Variants in PIEZO2 observed in about 807,000 individuals in gnomAD.
PIEZO2 encodes the protein piezo type mechanosensitive ion channel component 2.
In PIEZO2, 172 loss-of-function variants were observed where a neutral mutation model predicts 337.3. The observed-to-expected ratio is 0.51, with a 90% CI of 0.45 to 0.58. The LOEUF (loss-of-function observed/expected upper bound fraction) is 0.58. Ranked by LOEUF, PIEZO2 falls within the 20% of genes least tolerant of loss-of-function variation. The pLI is 0.00. For missense variants in PIEZO2, 3,028 were observed against 3,391.3 expected, an observed-to-expected ratio of 0.89 and a Z score of 2.66; for synonymous variants, 1,251 against 1,228.5, an observed-to-expected ratio of 1.02 and a Z score of -0.38.
chr18:11,141,154 CAG>C lies in PIEZO2; in HGVS notation c.64+7369_64+7370del, dbSNP rs1465636412. Among the ~76,000 whole-genome samples the C allele has an allele frequency of 2.0e-5, 3 of 152,292 alleles. No homozygotes were observed. In the East Asian group the frequency reaches 5.8e-4, roughly 29 times the overall value. On this transcript the variant is annotated intron_variant, in intron 1 of 55. Coordinates refer to ENST00000674853, the MANE Select transcript of PIEZO2 (RefSeq NM_001378183.1). ...TATGCTGAGAAACCTACATGGAAAA[CAG>C]AACTCAAGAAGAACAGAATTGTCTT...
chr18:10,752,253 A>G (rs1414938687), intron 28 of PIEZO2, among the ~76,000 whole-genome samples: 1 of 152,238 alleles, frequency 6.6e-6, no homozygotes, highest in Non-Finnish European at 1.5e-5. Flanking sequence ...GCTTTTTGCC[A>G]ACATAATACA....
At position 10,707,032 on chromosome 18, in the gene PIEZO2, T is replaced by C. The variant is rs903711144; in HGVS notation, c.5588+1243A>G. 6.6e-6 allele frequency among the ~76,000 whole-genome samples: 1 copy of C among 152,220 alleles called. No homozygotes were observed. The highest frequency in any genetic ancestry group is 1.5e-5 in the Non-Finnish European group (1 of 68,042). ...CTGTGACTGAAGAACCAGATTGGCC[T>C]GAGCTTTTGATGCCCGCTCAGGTGT... On this transcript the variant is annotated intron_variant, in intron 40 of 55. Coordinates refer to ENST00000674853, the MANE Select transcript of PIEZO2 (RefSeq NM_001378183.1). The surrounding 1 kb of genome is among the most constrained non-coding windows in gnomAD (Gnocchi z 4.2).
At chr18:10,723,403 G>A (rs540797970) in intron 36 of PIEZO2, among the ~76,000 whole-genome samples, 8 of 152,158 alleles carry the variant, frequency 5.3e-5, no homozygotes, top group Non-Finnish European at 1.0e-4. Context: ...AAGAGAGAAC[G>A]GGAAAGAAGG....
intron 22 of PIEZO2, 129 bp downstream of exon 22, chr18:10,762,793 C>T (rs561776562): frequency 2.4e-5 from 32 of 1,332,236 alleles, no homozygotes; most frequent in Middle Eastern, 2.5e-4. Flanking sequence ...GCCCAGAGCA[C>T]GACCAGCCAG....
intron 7 of PIEZO2, among the ~76,000 whole-genome samples, chr18:10,845,200 G>GTA (rs143358954): frequency 0.34 from 50,595 of 149,062 alleles, 8,561 homozygotes; most frequent in Admixed American, 0.42. Flanking sequence ...GTGTGTGTGT[G>GTA]TATATATATA....
intron 39 of PIEZO2, 30 bp from the exon 40 acceptor site, chr18:10,708,469 G>C (rs2035678482): frequency 6.5e-6 from 1 of 152,674 alleles, no homozygotes; most frequent in African/African-American, 2.4e-5. Context: ...CAGAAACACA[G>C]TGTTAAAACA....
chr18:10,806,044 G>A (rs1197641935), intron 8 of PIEZO2, among the ~76,000 whole-genome samples: 1 of 152,242 alleles, frequency 6.6e-6, no homozygotes, highest in Non-Finnish European at 1.5e-5. Flanking sequence ...CTGGCCCCTA[G>A]GTTAGTTTCA....
At chr18:10,740,948 A>G (rs1215820180) in intron 33 of PIEZO2, 83 bp downstream of exon 33, 36 of 1,362,182 alleles carry the variant, frequency 2.6e-5, no homozygotes, top group East Asian at 1.0e-4. Context: ...CATGGAACAC[A>G]TGGGTCACGG....
chr18:10,879,232 T>G (rs1416953892), intron 4 of PIEZO2, among the ~76,000 whole-genome samples: 1 of 151,952 alleles, frequency 6.6e-6, no homozygotes, highest in Non-Finnish European at 1.5e-5. Context: ...AAGTCCCATT[T>G]TAATAAATCA....
At chr18:10,917,947 GA>G (rs1372036984) in intron 3 of PIEZO2, among the ~76,000 whole-genome samples, 1 of 152,146 alleles carries the variant, frequency 6.6e-6, no homozygotes, top group Non-Finnish European at 1.5e-5. Context: ...AAGGAGCCAA[GA>G]TTTTTTACCA....
chr18:11,119,912 C>G (rs1264610583), intron 1 of PIEZO2, among the ~76,000 whole-genome samples: 6 of 152,184 alleles, frequency 3.9e-5, no homozygotes, highest in Non-Finnish European at 8.8e-5. Flanking sequence ...AAATTACTAC[C>G]TAGTTGATAC....
intron 36 of PIEZO2, among the ~76,000 whole-genome samples, chr18:10,729,976 A>AT (rs1427934356): frequency 6.6e-6 from 1 of 152,148 alleles, no homozygotes; most frequent in African/African-American, 2.4e-5. Flanking sequence ...TTAGTAACAT[A>AT]ATGTATTTAA....
chr18:10,811,200 C>T (rs901321137), intron 7 of PIEZO2, among the ~76,000 whole-genome samples: 4 of 152,130 alleles, frequency 2.6e-5, no homozygotes, highest in African/African-American at 9.7e-5. Context: ...GGTCTAGTTC[C>T]AAAGTCACCA....
rs535924884 is a variant in PIEZO2 at position 11,033,997 on chromosome 18, TAAAA to T, written c.160+32126_160+32129del. Among the ~76,000 whole-genome samples the T allele has an allele frequency of 6.6e-6, 1 of 151,650 alleles. No individual in the cohort carries two copies. The highest frequency in any genetic ancestry group is 6.6e-5 in the Admixed American group (1 of 15,214). On this transcript the variant is annotated intron_variant, in intron 2 of 55. Coordinates refer to ENST00000674853, the MANE Select transcript of PIEZO2 (RefSeq NM_001378183.1). This position sits in a 1 kb window ranked among gnomAD's most constrained non-coding sequence, Gnocchi z 4.2. Reference sequence around the variant, plus strand: ...TGAAGGGGAAAAAAACCCTCAGATTTAAAAAAAAATTCGACAGTCTTTAAAAGTC... The same window carrying T: ...TGAAGGGGAAAAAAACCCTCAGATTTAAAAATTCGACAGTCTTTAAAAGTC...
chr18:10,731,967 A>G (rs2036805689), intron 35 of PIEZO2, among the ~76,000 whole-genome samples: 1 of 152,080 alleles, frequency 6.6e-6, no homozygotes, highest in Non-Finnish European at 1.5e-5. Context: ...TGCATTTGAT[A>G]CTCTCCCTTC....
At chr18:10,680,439 C>T (rs1464027622) in intron 51 of PIEZO2, 68 bp from the exon 52 acceptor site, 1 of 1,408,584 alleles carries the variant, frequency 7.1e-7, no homozygotes, top group Non-Finnish European at 9.7e-7. Context: ...AAAGCAGTCA[C>T]TCTTCCTTTT....
chr18:10,919,613 C>A (rs1242514882), intron 3 of PIEZO2, among the ~76,000 whole-genome samples: 2 of 152,134 alleles, frequency 1.3e-5, no homozygotes, highest in African/African-American at 4.8e-5. Flanking sequence ...CTTCAACACT[C>A]TCATCTATGC....
intron 2 of PIEZO2, among the ~76,000 whole-genome samples, chr18:11,063,420 TTAAAG>T (rs1194047370): frequency 1.8e-5 from 2 of 112,840 alleles, no homozygotes; most frequent in Non-Finnish European, 3.7e-5. Context: ...ACCCTAAAAC[TTAAAG>T]TATAATAATA....
At chr18:11,011,285 T>C (rs1441285068) in intron 2 of PIEZO2, among the ~76,000 whole-genome samples, 1 of 152,250 alleles carries the variant, frequency 6.6e-6, no homozygotes, top group Non-Finnish European at 1.5e-5. Context: ...ATAGTCTTAA[T>C]TAAATTATAT....
Sources: allele counts gnomAD v4.1 joint callset (sites outside exome capture counted in the v4.1 genomes callset), GRCh38; gene constraint gnomAD v4.1.1; non-coding constraint Gnocchi (gnomAD v3.1); transcripts MANE v1.5; gene names NCBI Gene and HGNC (gene_info 2026-07-23, HGNC 2026-07-21).